DENND4C: variants seen among roughly 807,000 people sequenced by gnomAD.
DENND4C encodes DENN domain containing 4C, also known as DENN domain-containing protein 4C.
In DENND4C, 108 loss-of-function variants were observed where a neutral mutation model predicts 203.0. That is an observed-to-expected ratio of 0.53 (90% CI 0.46 to 0.62). DENND4C has a LOEUF of 0.62. Ranked by LOEUF, DENND4C falls within the 20% of genes least tolerant of loss-of-function variation. The probability of loss-of-function intolerance (pLI) is 0.00; values close to 1 mark genes in which losing one functional copy is unlikely to be tolerated. For missense variants in DENND4C, 2,481 were observed against 2,301.2 expected, an observed-to-expected ratio of 1.08 and a Z score of -1.60; for synonymous variants, 871 against 792.4, an observed-to-expected ratio of 1.10 and a Z score of -1.67.
chr9:19,260,747 C>T (rs73425091), intron 1 of DENND4C, among the ~76,000 whole-genome samples: 8,220 of 152,174 alleles, frequency 0.054, 375 homozygotes, highest in African/African-American at 0.12. Context: ...CAAATATTTT[C>T]TCCCATCTGT....
In DENND4C at chr9:19,373,256, T is replaced by C. The variant is rs910431031; in HGVS notation, c.*1083T>C. 6.6e-6 allele frequency: 1 copy of C among 152,238 alleles called. No individual in the cohort carries two copies. Among genetic ancestry groups the C allele is most frequent in the African/African-American group, 2.4e-5 (1 of 41,464 alleles). 9.4% of individuals were successfully genotyped at this position (152,238 alleles called of 1,614,324 possible). On this transcript the variant is annotated 3_prime_UTR_variant, in exon 33 of 33. Transcript: ENST00000434457. ...TATCTTGATTATCCAGTTACTTCCA[T>C]CCTCTTCCCAATGTTAATTTGCAAT... is the stretch of plus-strand genomic sequence containing the variant.
In DENND4C at chr9:19,373,815, C is replaced by T. The variant is rs41270107; in HGVS notation, c.*1642C>T. 0.016 allele frequency among the ~76,000 whole-genome samples: 2,508 copies of T among 152,240 alleles called. 27 individuals carry two copies. The highest frequency in any genetic ancestry group is 0.023 in the Non-Finnish European group (1,575 of 68,002). The stretch of plus-strand genomic sequence containing the variant: ...TACTTCCATATGGTACAGTAACAAC[C>T]TAACTCCCTTCTACCTGATGTAACC... On this transcript the variant is annotated 3_prime_UTR_variant, in exon 33 of 33. Coordinates refer to ENST00000434457, the MANE Select transcript of DENND4C (RefSeq NM_001330640.2).
At position 19,352,550 on chromosome 9, in the gene DENND4C, A is replaced by G. The variant is rs143704727; in HGVS notation, c.4666A>G (p.Ile1556Val). 5.9e-5 allele frequency: 96 copies of G among 1,613,834 alleles called. No homozygotes were observed. Among genetic ancestry groups the G allele is most frequent in the Non-Finnish European group, 7.5e-5 (89 of 1,179,892 alleles). The change falls in exon 26 of 33, where the codon ATT (isoleucine) becomes GTT (valine). Residue 1556 changes from isoleucine (I) to valine (V), a missense_variant. Ile to Val is a conservative substitution (Grantham distance 29). Coordinates refer to ENST00000434457, the MANE Select transcript of DENND4C (RefSeq NM_001330640.2). ...ACGALVYDEEIMAGWTADDSN... is the reference protein window; with the variant it reads ...ACGALVYDEEVMAGWTADDSN... Reference sequence around the variant, plus strand: ...TGGAGCTTTAGTTTATGATGAAGAAATTATGGCTGGATGGACAGCAGATGA... The same window carrying G: ...TGGAGCTTTAGTTTATGATGAAGAAGTTATGGCTGGATGGACAGCAGATGA...
At chr9:19,323,430 GAAA>G (rs35063286) in intron 12 of DENND4C, among the ~76,000 whole-genome samples, 1 of 136,380 alleles carries the variant, frequency 7.3e-6, no homozygotes. Context: ...ACTCTGTCTG[GAAA>G]AAAAAAAAAA....
chr9:19,287,046 A>G, intron 3 of DENND4C, 25 bp downstream of exon 3: 3 of 1,231,878 alleles, frequency 2.4e-6, no homozygotes, highest in Non-Finnish European at 3.0e-6. Context: ...TTCATCTTCA[A>G]AGTTTCATAT....
intron 10 of DENND4C, among the ~76,000 whole-genome samples, chr9:19,306,319 G>A (rs1467442635): frequency 6.6e-6 from 1 of 152,114 alleles, no homozygotes; most frequent in Non-Finnish European, 1.5e-5. Context: ...ATATTTTTAT[G>A]TGAACCAAAA....
At chr9:19,288,207 C>G (rs1055033946) in intron 3 of DENND4C, among the ~76,000 whole-genome samples, 2 of 152,156 alleles carry the variant, frequency 1.3e-5, no homozygotes, top group Non-Finnish European at 2.9e-5. Flanking sequence ...ACAAATGCAC[C>G]CAGAACAATT....
chr9:19,268,299 C>T (rs564460828), intron 1 of DENND4C, among the ~76,000 whole-genome samples: 14 of 152,154 alleles, frequency 9.2e-5, no homozygotes, highest in African/African-American at 3.4e-4. Context: ...GGGGTTTTGC[C>T]ATGTTGTCCA....
intron 22 of DENND4C, among the ~76,000 whole-genome samples, chr9:19,344,129 T>G (rs753448152): frequency 9.9e-5 from 15 of 152,180 alleles, no homozygotes; most frequent in Admixed American, 3.3e-4. Flanking sequence ...AATCTTGAAG[T>G]TTAAAAGAAA....
chr9:19,325,838 T>A, intron 13 of DENND4C, 101 bp from the exon 14 acceptor site: 1 of 1,108,654 alleles, frequency 9.0e-7, no homozygotes, highest in Non-Finnish European at 1.3e-6. Context: ...CAGCTGGTAC[T>A]GAAAAGGGGT....
intron 16 of DENND4C, among the ~76,000 whole-genome samples, chr9:19,329,427 G>A (rs1818586094): frequency 6.6e-6 from 1 of 152,150 alleles, no homozygotes; most frequent in Non-Finnish European, 1.5e-5. Flanking sequence ...CCATTGTGTG[G>A]ATATACCATA....
rs74472981 is a variant in DENND4C at position 19,346,365 on chromosome 9, C to T, written c.3596C>T (p.Thr1199Ile). The change falls in exon 23 of 33, where the codon ACT becomes ATT. Residue 1199 changes from threonine to isoleucine, a missense_variant. Physicochemically the swap from Thr to Ile is moderately conservative, Grantham distance 89 (BLOSUM62 -1). This residue lies in a region of DENND4C where 2,289 missense variants were observed against 2,113.3 expected (regional missense o/e 1.08). Transcript: ENST00000434457. ...EPVVDDVPKT[T>I]ATVDTYESLL... ...GTGGTTGATGACGTACCTAAAACTA[C>T]TGCAACAGTAGATACATATGAGAGT... 4.6e-3 allele frequency: 7,460 copies of T among 1,614,102 alleles called. 239 individuals carry two copies. In the African/African-American group the frequency reaches 0.076, roughly 16 times the overall value.
At chr9:19,357,422 G>C (rs886832030) in intron 27 of DENND4C, 33 of 346,566 alleles carry the variant, frequency 9.5e-5, no homozygotes, top group African/African-American at 6.8e-4. Context: ...GTCATTGCCA[G>C]TTTCCAGAGG....
chr9:19,346,344 T>C lies in DENND4C; in HGVS notation c.3575T>C (p.Val1192Ala), dbSNP rs1822874605. The change falls in exon 23 of 33, where the codon GTT becomes GCT. Residue 1192 changes from valine to alanine, a missense_variant. Physicochemically the swap from Val to Ala is moderately conservative, Grantham distance 64 (BLOSUM62 0). Around this residue, in one of 3 missense-constraint regions of DENND4C, gnomAD observed 2,289 missense variants for 2,113.3 expected, o/e 1.08. Coordinates refer to ENST00000434457, the MANE Select transcript of DENND4C (RefSeq NM_001330640.2). Reference sequence around the variant, plus strand: ...AGCCAAGAACTCCTTGAGCCTGTGGTTGATGACGTACCTAAAACTACTGCA... The same window carrying C: ...AGCCAAGAACTCCTTGAGCCTGTGGCTGATGACGTACCTAAAACTACTGCA... ...EESQELLEPV[V>A]DDVPKTTATV... 2.5e-6 allele frequency: 4 copies of C among 1,614,080 alleles called. No homozygotes were observed. The highest frequency in any genetic ancestry group is 1.6e-4 in the Middle Eastern group (1 of 6,084).
intron 1 of DENND4C, among the ~76,000 whole-genome samples, chr9:19,263,834 A>AT (rs1367193157): frequency 6.6e-6 from 1 of 150,604 alleles, no homozygotes; most frequent in African/African-American, 2.4e-5. Context: ...TTTTTTTTGT[A>AT]TTTTTGGTAG....
intron 17 of DENND4C, among the ~76,000 whole-genome samples, chr9:19,333,113 C>G (rs1397613959): frequency 3.3e-5 from 5 of 151,958 alleles, no homozygotes; most frequent in Admixed American, 2.6e-4. Flanking sequence ...CTTAAGGGCT[C>G]AAGTGATTTT....
At chr9:19,294,965 G>A (rs1837126067) in intron 5 of DENND4C, among the ~76,000 whole-genome samples, 1 of 152,198 alleles carries the variant, frequency 6.6e-6, no homozygotes. Context: ...TTCTGGAAAT[G>A]AATAGTGCTA....
At chr9:19,322,776 T>C (rs1843105056) in intron 12 of DENND4C, among the ~76,000 whole-genome samples, 1 of 151,076 alleles carries the variant, frequency 6.6e-6, no homozygotes, top group Non-Finnish European at 1.5e-5. Context: ...GATTGGAGAT[T>C]TCCATGAGCC....
intron 23 of DENND4C, among the ~76,000 whole-genome samples, chr9:19,349,637 C>T (rs774577990): frequency 7.2e-5 from 11 of 152,118 alleles, no homozygotes; most frequent in Non-Finnish European, 1.0e-4. Flanking sequence ...TTTTAACTTT[C>T]ATCCCGAGTT....
Sources: gnomAD v4.1 joint callset for allele counts (sites outside exome capture counted in the v4.1 genomes callset) on GRCh38, gnomAD v4.1.1 for gene constraint, gnomAD v4.1.1 regional missense constraint, MANE v1.5 for transcripts, NCBI Gene and HGNC (gene_info 2026-07-23, HGNC 2026-07-21) for gene names.